The following CSMD1 variants were observed in gnomAD, a reference collection of about 807,000 sequenced individuals.
CSMD1 encodes CUB and sushi domain-containing protein 1.
Under a neutral mutation model 417.5 loss-of-function variants are expected in CSMD1, and 213 were observed. The ratio of observed to expected loss-of-function variants is 0.51; its 90% confidence interval spans 0.46 to 0.57. The LOEUF (loss-of-function observed/expected upper bound fraction) is 0.57, where lower values mean the gene tolerates loss of function less well. CSMD1 is among the 20% of genes least tolerant of loss of function. The pLI is 0.00. For missense variants in CSMD1, 6,923 were observed against 4,529.7 expected, an observed-to-expected ratio of 1.53 and a Z score of -15.17; for synonymous variants, 2,862 against 1,736.8, an observed-to-expected ratio of 1.65 and a Z score of -16.11.
At chr8:3,115,039 G>A (rs1816779477) in intron 42 of CSMD1, among the ~76,000 whole-genome samples, 1 of 152,018 alleles carries the variant, frequency 6.6e-6, no homozygotes, top group Non-Finnish European at 1.5e-5. Flanking sequence ...ATATTTTTAT[G>A]CATAAACATT....
intron 2 of CSMD1, among the ~76,000 whole-genome samples, chr8:4,574,087 A>G (rs1033066907): frequency 3.3e-5 from 5 of 151,890 alleles, no homozygotes; most frequent in Non-Finnish European, 7.4e-5. Flanking sequence ...ACTGAGCAAG[A>G]CCACTTGGCT....
At chr8:4,747,914 G>C (rs890712832) in intron 1 of CSMD1, among the ~76,000 whole-genome samples, 4 of 152,140 alleles carry the variant, frequency 2.6e-5, no homozygotes, top group Admixed American at 6.5e-5. Context: ...GATAATCAAT[G>C]ACAAATACAC....
At chr8:4,892,953 G>C (rs1436881947) in intron 1 of CSMD1, among the ~76,000 whole-genome samples, 1 of 152,056 alleles carries the variant, frequency 6.6e-6, no homozygotes, top group Non-Finnish European at 1.5e-5. Context: ...GCATTAATAT[G>C]AGCATATTGT....
At chr8:4,893,555 C>G (rs1804273353) in intron 1 of CSMD1, among the ~76,000 whole-genome samples, 1 of 152,078 alleles carries the variant, frequency 6.6e-6, no homozygotes, top group African/African-American at 2.4e-5. Context: ...TCCTCAAACC[C>G]AGATGACAAT....
chr8:4,986,170 C>G (rs1256171357), intron 1 of CSMD1, among the ~76,000 whole-genome samples: 1 of 152,134 alleles, frequency 6.6e-6, no homozygotes, highest in Non-Finnish European at 1.5e-5. Context: ...TGAAGATAGA[C>G]TCTAACTTCA....
chr8:3,923,248 G>C (rs1323618207), intron 5 of CSMD1, among the ~76,000 whole-genome samples: 2 of 152,078 alleles, frequency 1.3e-5, no homozygotes, highest in Non-Finnish European at 2.9e-5. Flanking sequence ...GAATCTTCCA[G>C]AGTCTGGTGA....
chr8:3,520,597 C>G (rs964764339), intron 10 of CSMD1, among the ~76,000 whole-genome samples: 1 of 152,158 alleles, frequency 6.6e-6, no homozygotes, highest in African/African-American at 2.4e-5. Flanking sequence ...ACAGACAACA[C>G]CATTTACTGC....
In CSMD1 at chr8:3,253,518, G is replaced by A. The variant is rs894070690; in HGVS notation, c.4154-23287C>T. ...AATGTATATTCTGTTGATTTGGGGT[G>A]GAGAGTTCTGTAGATGTCTATTAGG... On this transcript the variant is annotated intron_variant, in intron 26 of 69. Coordinates refer to ENST00000635120, the MANE Select transcript of CSMD1 (RefSeq NM_033225.6). Among the ~76,000 whole-genome samples, 3 of 152,146 alleles carry A rather than the reference G, an allele frequency of 2.0e-5. No homozygotes were observed. In the East Asian group the frequency reaches 5.8e-4, roughly 29 times the overall value.
intron 5 of CSMD1, among the ~76,000 whole-genome samples, chr8:3,928,155 A>C (rs1809878989): frequency 6.6e-6 from 1 of 152,234 alleles, no homozygotes; most frequent in African/African-American, 2.4e-5. Flanking sequence ...TTGGACATTT[A>C]CATTTCAATG....
intron 1 of CSMD1, among the ~76,000 whole-genome samples, chr8:4,865,303 T>G (rs1283459714): frequency 6.6e-6 from 1 of 151,872 alleles, no homozygotes; most frequent in African/African-American, 2.4e-5. Flanking sequence ...CTGTTTTGAA[T>G]AAAGAGAAAA....
intron 10 of CSMD1, among the ~76,000 whole-genome samples, chr8:3,554,846 T>G (rs1423550257): frequency 6.6e-6 from 1 of 152,054 alleles, no homozygotes; most frequent in African/African-American, 2.4e-5. Context: ...GAGTGCTGTG[T>G]GAACAGCCAG....
chr8:3,587,225 C>T (rs1267345389), intron 8 of CSMD1, among the ~76,000 whole-genome samples: 1 of 152,222 alleles, frequency 6.6e-6, no homozygotes, highest in Non-Finnish European at 1.5e-5. Context: ...TCACAGAACA[C>T]AAACTGGACA....
intron 5 of CSMD1, among the ~76,000 whole-genome samples, chr8:3,820,599 G>T (rs1010011479): frequency 1.3e-5 from 2 of 152,102 alleles, no homozygotes; most frequent in African/African-American, 4.8e-5. Context: ...GTTTTGAGAT[G>T]GAGTCTTGCT....
intron 2 of CSMD1, among the ~76,000 whole-genome samples, chr8:4,576,488 T>G (rs59553804): frequency 0.04 from 6,100 of 152,294 alleles, 352 homozygotes; most frequent in African/African-American, 0.14. Context: ...TTTTTTCACA[T>G]ACAGTTTCTA....
chr8:3,813,503 G>T (rs116077843), intron 5 of CSMD1, among the ~76,000 whole-genome samples: 1 of 152,062 alleles, frequency 6.6e-6, no homozygotes, highest in African/African-American at 2.4e-5. Flanking sequence ...TTAAAAGAAG[G>T]GCTGGCGTGA....
intron 41 of CSMD1, among the ~76,000 whole-genome samples, chr8:3,142,020 A>G (rs1024982013): frequency 2.6e-5 from 4 of 152,008 alleles, no homozygotes; most frequent in East Asian, 1.9e-4. Flanking sequence ...GATGGTCTCG[A>G]TCTCCTGACC....
At chr8:4,903,116 AC>A (rs1355847451) in intron 1 of CSMD1, among the ~76,000 whole-genome samples, 1 of 152,066 alleles carries the variant, frequency 6.6e-6, no homozygotes, top group East Asian at 1.9e-4. Flanking sequence ...ATATGAACTT[AC>A]CTTTGCTCTA....
At chr8:4,112,392 T>A (rs1306279968) in intron 3 of CSMD1, among the ~76,000 whole-genome samples, 2 of 152,184 alleles carry the variant, frequency 1.3e-5, no homozygotes, top group Non-Finnish European at 2.9e-5. Context: ...GAAAATGCCC[T>A]GACAAGGCTG....
At chr8:3,468,212 ATTGT>A (rs1218670626) in intron 12 of CSMD1, among the ~76,000 whole-genome samples, 1 of 152,222 alleles carries the variant, frequency 6.6e-6, no homozygotes, top group Non-Finnish European at 1.5e-5. Context: ...TGGTTCAGAA[ATTGT>A]TTGCATTGCT....
Sources: allele counts gnomAD v4.1 joint callset (sites outside exome capture counted in the v4.1 genomes callset), GRCh38; gene constraint gnomAD v4.1.1; transcripts MANE v1.5; gene names NCBI Gene and HGNC (gene_info 2026-07-23, HGNC 2026-07-21).